LRRC34: variants seen among roughly 807,000 people sequenced by gnomAD.
LRRC34 encodes leucine-rich repeat-containing protein 34.
A neutral mutation model predicts 48.5 loss-of-function variants in LRRC34; 44 were observed. The observed-to-expected ratio is 0.91, with a 90% confidence interval of 0.71 to 1.17. LRRC34 has a LOEUF of 1.17. LRRC34 is among the 50% of genes most tolerant of loss of function. LRRC34 has a pLI of 0.00. For synonymous variants in LRRC34, 192 were observed against 197.6 expected, an observed-to-expected ratio of 0.97 and a Z score of 0.24; for missense variants, 502 against 563.0, an observed-to-expected ratio of 0.89 and a Z score of 1.10.
chr3:169,807,587 C>G lies in LRRC34; in HGVS notation c.379+1G>C. 1 of 1,612,190 alleles carries G rather than the reference C, an allele frequency of 6.2e-7. No individual in the cohort carries two copies. ...AGGTATTGATTCTTATGGAAACATA[C>G]CATTAATATACAGACAATTCTTTAA... On this transcript the variant is annotated splice_donor_variant, in intron 3 of 10. Transcript: ENST00000446859. LOFTEE classifies it high-confidence loss of function.
intron 5 of LRRC34, among the ~76,000 whole-genome samples, chr3:169,805,311 A>C (rs1196625552): frequency 6.6e-5 from 10 of 152,252 alleles, no homozygotes; most frequent in Non-Finnish European, 1.2e-4. Context: ...ATAGCAGGAC[A>C]CAAGATCAAT....
chr3:169,804,253 C>T (rs1560600552), intron 5 of LRRC34, 72 bp from the exon 6 acceptor site: 1 of 1,275,010 alleles, frequency 7.8e-7, no homozygotes, highest in Non-Finnish European at 1.1e-6. Flanking sequence ...AATTAGGAGA[C>T]TGTATTACTA....
Position 169,812,322 on chromosome 3 carries a change from T to A in LRRC34, c.139+88A>T. ...GCCTCGACGCCTTGGGCTGGCGGGC[T>A]GCTGGGAGGACTCCTGCCGTGCGAC... On this transcript the variant is annotated intron_variant, in intron 1 of 10. Transcript: ENST00000446859. The surrounding 1 kb of genome is among the most constrained non-coding windows in gnomAD (Gnocchi z 4.3). 7.0e-7 allele frequency: 1 copy of A among 1,422,762 alleles called. No individual in the cohort carries two copies. 88.1% of individuals were successfully genotyped at this position (1,422,762 alleles called of 1,614,324 possible).
intron 7 of LRRC34, among the ~76,000 whole-genome samples, chr3:169,800,260 T>C (rs1779143321): frequency 6.6e-6 from 1 of 152,174 alleles, no homozygotes; most frequent in African/African-American, 2.4e-5. Flanking sequence ...TTGCTTTTAT[T>C]ACTCATGATT....
intron 5 of LRRC34, among the ~76,000 whole-genome samples, chr3:169,804,830 T>G (rs1294744759): frequency 6.6e-6 from 1 of 152,206 alleles, no homozygotes; most frequent in Non-Finnish European, 1.5e-5. Flanking sequence ...CTGACCATTT[T>G]AAAGTATACA....
At position 169,808,720 on chromosome 3, in the gene LRRC34, T is replaced by C; in HGVS notation, c.165A>G (p.Lys55=). The C allele has an allele frequency of 6.3e-7, 1 of 1,589,350 alleles. No individual in the cohort carries two copies. The highest frequency in any genetic ancestry group is 8.6e-7 in the Non-Finnish European group (1 of 1,161,058). Reference sequence around the variant, plus strand: ...TTTCCATACACAGATTAGAATAATGTTTCTGGAGACCAGATTCTGGAGATT... The same window carrying C: ...TTTCCATACACAGATTAGAATAATGCTTCTGGAGACCAGATTCTGGAGATT... The part of the protein sequence containing the change: ...QRESPESGLQ[K]HYSNLCMEKS... The change falls in exon 2 of 11, where the codon AAA becomes AAG. Residue 55 remains lysine, a synonymous_variant. Transcript: ENST00000446859.
At position 169,807,702 on chromosome 3, in the gene LRRC34, C is replaced by T; in HGVS notation, c.265G>A (p.Ala89Thr). Residue 89 changes from alanine (A) to threonine (T), a missense_variant, in exon 3 of 11, where the codon GCA becomes ACA. By Grantham distance (58) the Ala-to-Thr change is moderately conservative (BLOSUM62 0). Coordinates refer to ENST00000446859, the MANE Select transcript of LRRC34 (RefSeq NM_001172779.2). ...CCAGCAATGTTTAATGTGATTCCTG[C>T]TGCTAGCCTGTTAAAATACAAAAAA... The part of the protein sequence containing the change: ...VDEEIKKGLA[A>T]GITLNIAGNN... 7.3e-7 allele frequency: 1 copy of T among 1,363,072 alleles called. No homozygotes were observed. Among genetic ancestry groups the T allele is most frequent in the South Asian group, 1.4e-5 (1 of 70,788 alleles). 84.4% of individuals were successfully genotyped at this position (1,363,072 alleles called of 1,614,324 possible).
chr3:169,805,262 C>CA (rs756472078), intron 5 of LRRC34, among the ~76,000 whole-genome samples: 73 of 151,938 alleles, frequency 4.8e-4, no homozygotes, highest in Non-Finnish European at 8.5e-4. Flanking sequence ...AGGATTCCAC[C>CA]AAAAAAACCT....
rs560141664 is a variant in LRRC34 at position 169,807,470 on chromosome 3, G to T, written c.400C>A (p.Leu134Ile). Residue 134 changes from leucine to isoleucine, a missense_variant, in exon 4 of 11, where the codon CTT becomes ATT. Coordinates refer to ENST00000446859, the MANE Select transcript of LRRC34 (RefSeq NM_001172779.2). ...YINGLDVGYN[L>I]LCDVGAYYAA... is the part of the protein sequence containing the mutation. ...TAGTATGCACCAACATCACATAGAA[G>T]GTTATATCCAACATCCAAACCTGAA... 1 of 1,613,872 alleles carries T rather than the reference G, an allele frequency of 6.2e-7. No homozygotes were observed.
In LRRC34 at chr3:169,807,454, C is replaced by A; in HGVS notation, c.416G>T (p.Gly139Val). The part of the protein sequence containing the change: ...DVGYNLLCDV[G>V]AYYAAKLLQK... Reference sequence around the variant, plus strand: ...AAGCAGTTTCGCAGCATAGTATGCACCAACATCACATAGAAGGTTATATCC... The same window carrying A: ...AAGCAGTTTCGCAGCATAGTATGCAACAACATCACATAGAAGGTTATATCC... Residue 139 changes from glycine (G) to valine (V), a missense_variant, in exon 4 of 11, where the codon GGT becomes GTT. Transcript: ENST00000446859. 1 of 1,613,848 alleles carries A rather than the reference C, an allele frequency of 6.2e-7. No homozygotes were observed. Among genetic ancestry groups the A allele is most frequent in the Non-Finnish European group, 8.5e-7 (1 of 1,179,946 alleles).
At position 169,795,603 on chromosome 3, in the gene LRRC34, A is replaced by G. The variant is rs543612719; in HGVS notation, c.1073T>C (p.Val358Ala). 2.5e-5 allele frequency: 41 copies of G among 1,610,380 alleles called. 1 individual carries two copies. The highest frequency in any genetic ancestry group is 1.7e-5 in the Admixed American group (1 of 59,782). The change falls in exon 10 of 11, where the codon GTA becomes GCA. Residue 358 changes from valine (V) to alanine (A), a missense_variant. Val to Ala is a moderately conservative substitution (Grantham distance 64). Transcript: ENST00000446859. ...SHNRSLKALS[V>A]VSNNIEGEGL... ...TTCTCCCTCTATGTTGTTGCTGACT[A>G]CTGACAACCTGAAACCAATAATTCC... is the stretch of plus-strand genomic sequence containing the variant.
In LRRC34 at chr3:169,793,510, T is replaced by A. The variant is rs1033014445; in HGVS notation, c.*125A>T. On this transcript the variant is annotated 3_prime_UTR_variant, in exon 11 of 11. Coordinates refer to ENST00000446859, the MANE Select transcript of LRRC34 (RefSeq NM_001172779.2). Reference sequence around the variant, plus strand: ...GACAGTTATACAAAGTTTAATACAGTCATTATCTTTTACACATTTGAAAAA... The same window carrying A: ...GACAGTTATACAAAGTTTAATACAGACATTATCTTTTACACATTTGAAAAA... The A allele has an allele frequency of 2.6e-5, 18 of 699,472 alleles. No homozygotes were observed. The highest frequency in any genetic ancestry group is 4.1e-5 in the Non-Finnish European group (18 of 434,342). The allele number at this position is 699,472 out of a possible 1,614,324, so 43.3% of individuals were successfully genotyped here.
At chr3:169,808,588 G>T in intron 2 of LRRC34, 40 bp downstream of exon 2, 2 of 1,065,816 alleles carry the variant, frequency 1.9e-6, no homozygotes, top group Non-Finnish European at 2.8e-6. Flanking sequence ...ATGAATATAA[G>T]CAAACACTAT....
intron 1 of LRRC34, among the ~76,000 whole-genome samples, chr3:169,810,837 A>G (rs1779537355): frequency 6.6e-6 from 1 of 152,170 alleles, no homozygotes; most frequent in South Asian, 2.1e-4. Context: ...GGCCGAGGCG[A>G]GCGGATCACT....
At chr3:169,808,555 A>G in intron 2 of LRRC34, 73 bp downstream of exon 2, 2 of 834,290 alleles carry the variant, frequency 2.4e-6, no homozygotes, top group Non-Finnish European at 1.9e-6. Context: ...AAAATCACTC[A>G]ATATGTTAGG....
At position 169,793,503 on chromosome 3, in the gene LRRC34, A is replaced by T; in HGVS notation, c.*132T>A. On this transcript the variant is annotated 3_prime_UTR_variant, in exon 11 of 11. Transcript: ENST00000446859. ...CACAATAGACAGTTATACAAAGTTT[A>T]ATACAGTCATTATCTTTTACACATT... is the stretch of plus-strand genomic sequence containing the variant. The T allele has an allele frequency of 3.0e-6, 2 of 668,848 alleles. No homozygotes were observed. Among genetic ancestry groups the T allele is most frequent in the Non-Finnish European group, 4.8e-6 (2 of 412,480 alleles). 41.4% of individuals were successfully genotyped at this position (668,848 alleles called of 1,614,324 possible).
Position 169,793,942 on chromosome 3 carries a change from TTAAAA to T in LRRC34, c.1192-109_1192-105del, listed in dbSNP as rs1240693979. ...CAAATTAGCTGTGCTAATTTGTAGT[TTAAAA>T]TAAAATATTCTGAATAACATTGCTG... On this transcript the variant is annotated intron_variant, in intron 10 of 10. Transcript: ENST00000446859. The T allele has an allele frequency of 8.4e-6, 6 of 712,374 alleles. No homozygotes were observed. The African/African-American group carries it at 9.0e-5, about 11-fold the overall frequency. The allele number at this position is 712,374 out of a possible 1,614,324, so 44.1% of individuals were successfully genotyped here.
At position 169,812,533 on chromosome 3, in the gene LRRC34, G is replaced by A; in HGVS notation, c.16C>T (p.Pro6Ser). 6.6e-7 allele frequency: 1 copy of A among 1,504,928 alleles called. No homozygotes were observed. Among genetic ancestry groups the A allele is most frequent in the Non-Finnish European group, 8.8e-7 (1 of 1,134,702 alleles). 93.2% of individuals were successfully genotyped at this position (1,504,928 alleles called of 1,614,324 possible). Residue 6 changes from proline (P) to serine (S), a missense_variant, in exon 1 of 11, where the codon CCG becomes TCG. Coordinates refer to ENST00000446859, the MANE Select transcript of LRRC34 (RefSeq NM_001172779.2). This position sits in a 1 kb window ranked among gnomAD's most constrained non-coding sequence, Gnocchi z 4.3. MAAQP[P>S]RPVGERSMGS... ...ATGCTCCTCTCACCCACTGGCCGCG[G>A]CGGCTGCGCTGCCATGGCGACCGCG...
At chr3:169,805,839 G>A (rs145543449) in intron 5 of LRRC34, among the ~76,000 whole-genome samples, 18 of 145,724 alleles carry the variant, frequency 1.2e-4, no homozygotes, top group South Asian at 2.2e-4. Flanking sequence ...AGCCAAAATC[G>A]CGCCATTGCA....
Sources: allele counts gnomAD v4.1 joint callset (sites outside exome capture counted in the v4.1 genomes callset), GRCh38; gene constraint gnomAD v4.1.1; non-coding constraint Gnocchi (gnomAD v3.1); transcripts MANE v1.5; gene names NCBI Gene and HGNC (gene_info 2026-07-23, HGNC 2026-07-21).